PPFIA1: variants seen among roughly 807,000 people sequenced by gnomAD.
PPFIA1 encodes the protein PPFI scaffold protein A1, also known as liprin-alpha-1.
A neutral mutation model predicts 149.9 loss-of-function variants in PPFIA1; 25 were observed. The observed-to-expected ratio is 0.17, with a 90% CI of 0.12 to 0.23. The LOEUF is 0.23. Among genes scored for constraint, PPFIA1 ranks in the 10% least tolerant of loss-of-function variants. The pLI is 1.00. For synonymous variants in PPFIA1, 549 were observed against 552.8 expected (o/e 0.99, Z 0.10); for missense variants, 1,362 against 1,506.5 (o/e 0.90, Z 1.59).
chr11:70,311,464 A>C (rs2053271640), intron 2 of PPFIA1, among the ~76,000 whole-genome samples: 1 of 152,248 alleles, frequency 6.6e-6, no homozygotes, highest in Non-Finnish European at 1.5e-5. Flanking sequence ...AGTACTGCTA[A>C]GAACTGAATT....
Position 70,362,506 on chromosome 11 carries a change from C to T in PPFIA1, c.2865+18C>T. 3 of 1,557,450 alleles carry T rather than the reference C, an allele frequency of 1.9e-6. No homozygotes were observed. The highest frequency in any genetic ancestry group is 2.6e-6 in the Non-Finnish European group (3 of 1,149,872). On this transcript the variant is annotated intron_variant, in intron 21 of 27. Transcript: ENST00000253925. ...CTAGAACGGTACGTTCAGAGACAACCCCTGCATTCTTTGGAAACAGGGAAT... is the reference window on the plus strand; with the variant it reads ...CTAGAACGGTACGTTCAGAGACAACTCCTGCATTCTTTGGAAACAGGGAAT...
chr11:70,283,678 G>A (rs1386608703), intron 2 of PPFIA1, among the ~76,000 whole-genome samples: 1 of 151,486 alleles, frequency 6.6e-6, no homozygotes, highest in Non-Finnish European at 1.5e-5. Flanking sequence ...TCCGAGGGCA[G>A]AGGGCAGTAG....
Position 70,281,732 on chromosome 11 carries a change from TGGG to T in PPFIA1, c.264+9299_264+9301del, listed in dbSNP as rs574820232. 2.1e-3 allele frequency among the ~76,000 whole-genome samples: 322 copies of T among 152,132 alleles called. 1 individual carries two copies. The highest frequency in any genetic ancestry group is 3.2e-3 in the Non-Finnish European group (215 of 68,006). On this transcript the variant is annotated intron_variant, in intron 2 of 27. Coordinates refer to ENST00000253925, the MANE Select transcript of PPFIA1 (RefSeq NM_003626.5). ...TTGTCAAATGCACTGACAGAAAGAGTGGGGGCTCTGAATAGTGGACTCACCTCA... is the reference window on the plus strand; with the variant it reads ...TTGTCAAATGCACTGACAGAAAGAGTGGCTCTGAATAGTGGACTCACCTCA...
chr11:70,338,531 T>G (rs1045364081), intron 13 of PPFIA1, 78 bp downstream of exon 13: 7 of 1,179,716 alleles, frequency 5.9e-6, no homozygotes, highest in Non-Finnish European at 8.8e-6. Flanking sequence ...GCAGCCTAAC[T>G]GGATGTGGCT....
intron 12 of PPFIA1, 23 bp downstream of exon 12, chr11:70,337,450 C>T (rs764282661): frequency 2.0e-6 from 3 of 1,528,560 alleles, no homozygotes; most frequent in Non-Finnish European, 1.8e-6. Flanking sequence ...TCTCTAAATC[C>T]ATGAAGAGCC....
intron 13 of PPFIA1, among the ~76,000 whole-genome samples, 158 bp downstream of exon 13, chr11:70,338,611 C>T (rs1418175324): frequency 3.3e-5 from 5 of 152,200 alleles, no homozygotes; most frequent in Non-Finnish European, 5.9e-5. Context: ...AAGGTTAGAG[C>T]TTGGTACTGA....
intron 2 of PPFIA1, among the ~76,000 whole-genome samples, chr11:70,314,608 A>C (rs1422773707): frequency 6.6e-6 from 1 of 152,202 alleles, no homozygotes; most frequent in Non-Finnish European, 1.5e-5. Flanking sequence ...TTTATCTTAT[A>C]TATACTTGAA....
chr11:70,311,099 C>T (rs1441288948), intron 2 of PPFIA1, among the ~76,000 whole-genome samples: 1 of 152,064 alleles, frequency 6.6e-6, no homozygotes, highest in African/African-American at 2.4e-5. Context: ...CACCTGAGGT[C>T]GGGAGTTCGA....
Position 70,362,120 on chromosome 11 carries a change from A to C in PPFIA1, c.2608A>C (p.Arg870=), listed in dbSNP as rs766761273. 1.2e-6 allele frequency: 2 copies of C among 1,614,138 alleles called. No homozygotes were observed. The highest frequency in any genetic ancestry group is 1.7e-6 in the Non-Finnish European group (2 of 1,180,018). The change falls in exon 20 of 28, where the codon AGA becomes CGA. Residue 870 remains arginine, a synonymous_variant. Coordinates refer to ENST00000253925, the MANE Select transcript of PPFIA1 (RefSeq NM_003626.5). The stretch of plus-strand genomic sequence containing the variant: ...GCATGAATTGCTGGAGGAAGCCCGG[A>C]GACAAGGTTTACCTTTTGCCCAATG... ...KKHELLEEAR[R]QGLPFAQWDG...
rs1434925282 is a variant in PPFIA1, at chr11:70,372,228, G to A, written c.2879G>A (p.Gly960Glu). The change falls in exon 22 of 28, where the codon GGG becomes GAG. Residue 960 changes from glycine to glutamate, a missense_variant. Gly to Glu is a moderately conservative substitution (Grantham distance 98). Transcript: ENST00000253925. ...PPTSRTTLAY[G>E]DMNHEWIGNE... ...TATGAAAAGCAGACACTCGCCTATGGGGACATGAACCACGAGTGGATCGGC... is the reference window on the plus strand; with the variant it reads ...TATGAAAAGCAGACACTCGCCTATGAGGACATGAACCACGAGTGGATCGGC... 1.2e-6 allele frequency: 2 copies of A among 1,612,888 alleles called. No homozygotes were observed. The highest frequency in any genetic ancestry group is 1.7e-6 in the Non-Finnish European group (2 of 1,179,692).
rs2057315326 is a variant in PPFIA1 at position 70,372,492 on chromosome 11, T to G, written c.3057T>G (p.Cys1019Trp). 1.2e-6 allele frequency: 2 copies of G among 1,613,930 alleles called. No homozygotes were observed. The highest frequency in any genetic ancestry group is 1.3e-5 in the African/African-American group (1 of 75,036). ...TTCCAAATAGAAACAGTTTCCAGTGTGGAATTATGTGCCTGAGAAGGTTAA... is the reference window on the plus strand; with the variant it reads ...TTCCAAATAGAAACAGTTTCCAGTGGGGAATTATGTGCCTGAGAAGGTTAA... The part of the protein sequence containing the change: ...VDSFHRNSFQ[C>W]GIMCLRRLNY... The change falls in exon 23 of 28, where the codon TGT becomes TGG. Residue 1019 changes from cysteine to tryptophan, a missense_variant. Physicochemically the swap from Cys to Trp is radical, Grantham distance 215 (BLOSUM62 -2). Coordinates refer to ENST00000253925, the MANE Select transcript of PPFIA1 (RefSeq NM_003626.5).
chr11:70,344,590 T>C (rs2055568959), intron 15 of PPFIA1, among the ~76,000 whole-genome samples: 1 of 152,244 alleles, frequency 6.6e-6, no homozygotes, highest in Non-Finnish European at 1.5e-5. Context: ...TGTAGTGACG[T>C]TTAAAAGTGT....
chr11:70,284,402 C>T (rs2050965223), intron 2 of PPFIA1, among the ~76,000 whole-genome samples: 1 of 152,216 alleles, frequency 6.6e-6, no homozygotes, highest in Admixed American at 6.5e-5. Flanking sequence ...CCTGTTCCTA[C>T]ACCTTTAATT....
chr11:70,311,820 A>G (rs2053302115), intron 2 of PPFIA1, among the ~76,000 whole-genome samples: 1 of 148,012 alleles, frequency 6.8e-6, no homozygotes. Flanking sequence ...TCAAACATGG[A>G]AGGACAGTGA....
chr11:70,291,900 C>T (rs561201472), intron 2 of PPFIA1, among the ~76,000 whole-genome samples: 4 of 140,884 alleles, frequency 2.8e-5, no homozygotes, highest in Non-Finnish European at 6.0e-5. Flanking sequence ...TGTAGTGGTG[C>T]GATCTCGGCT....
Position 70,348,365 on chromosome 11 carries a change from G to T in PPFIA1, c.2108G>T (p.Arg703Leu). ...CCGGGCAGTGGGCGCTCCACCCCACGAAGGATCCCTCACAGCCCAGCTCGG... is the reference window on the plus strand; with the variant it reads ...CCGGGCAGTGGGCGCTCCACCCCACTAAGGATCCCTCACAGCCCAGCTCGG... ...SPPGSGRSTP[R>L]RIPHSPAREV... The change falls in exon 16 of 28, where the codon CGA becomes CTA. Residue 703 changes from arginine (R) to leucine (L), a missense_variant. Transcript: ENST00000253925. The T allele has an allele frequency of 6.2e-7, 1 of 1,614,070 alleles. No homozygotes were observed. Among genetic ancestry groups the T allele is most frequent in the South Asian group, 1.1e-5 (1 of 91,082 alleles).
intron 2 of PPFIA1, among the ~76,000 whole-genome samples, chr11:70,294,641 G>A (rs921504876): frequency 6.6e-6 from 1 of 151,084 alleles, no homozygotes; most frequent in Non-Finnish European, 1.5e-5. Context: ...GTGGAAGGAA[G>A]GTCAGCAGAT....
At chr11:70,280,258 A>T (rs1343976642) in intron 2 of PPFIA1, among the ~76,000 whole-genome samples, 2 of 150,126 alleles carry the variant, frequency 1.3e-5, no homozygotes, top group Non-Finnish European at 3.0e-5. Context: ...ATAAATATAT[A>T]TGTATATAAA....
chr11:70,368,099 C>T (rs1056169101), intron 21 of PPFIA1, among the ~76,000 whole-genome samples: 1 of 152,176 alleles, frequency 6.6e-6, no homozygotes, highest in Non-Finnish European at 1.5e-5. Flanking sequence ...GATCATGCCA[C>T]TACACTCCAG....
Sources: gnomAD v4.1 joint callset for allele counts (sites outside exome capture counted in the v4.1 genomes callset) on GRCh38, gnomAD v4.1.1 for gene constraint, MANE v1.5 for transcripts, NCBI Gene and HGNC (gene_info 2026-07-23, HGNC 2026-07-21) for gene names.